Variants in TRAPPC12 observed in about 807,000 individuals in gnomAD.
TRAPPC12 encodes TPR repeat protein 15.
TRAPPC12 carries 61 observed loss-of-function variants against 69.2 expected under a neutral mutation model. The ratio of observed to expected loss-of-function variants is 0.88; its 90% CI spans 0.72 to 1.09. The LOEUF is 1.09. Among genes scored for constraint, TRAPPC12 ranks in the 50% least tolerant of loss-of-function variants. The probability of loss-of-function intolerance (pLI) is 0.00; values close to 1 mark genes in which losing one functional copy is unlikely to be tolerated. For missense variants in TRAPPC12, 1,101 were observed against 1,016.4 expected (o/e 1.08, Z -1.13); for synonymous variants, 469 against 438.9 (o/e 1.07, Z -0.86).
chr2:3,410,095 C>A (rs1044930242), intron 3 of TRAPPC12, among the ~76,000 whole-genome samples: 1 of 152,220 alleles, frequency 6.6e-6, no homozygotes, highest in African/African-American at 2.4e-5. Flanking sequence ...TGTTCTGACT[C>A]CTAGAAAATT....
intron 3 of TRAPPC12, among the ~76,000 whole-genome samples, chr2:3,405,476 G>A (rs781541319): frequency 1.1e-4 from 16 of 152,152 alleles, no homozygotes; most frequent in Non-Finnish European, 1.6e-4. Context: ...TGGGAATTAC[G>A]CTTTTCAATA....
chr2:3,390,973 A>G lies in TRAPPC12; in HGVS notation c.1047+2303A>G, dbSNP rs182886047. Among the ~76,000 whole-genome samples, 52 of 152,348 alleles carry G rather than the reference A, an allele frequency of 3.4e-4. No homozygotes were observed. The East Asian group carries it at 9.0e-3, about 27-fold the overall frequency. On this transcript the variant is annotated intron_variant, in intron 2 of 11. Coordinates refer to ENST00000324266, the MANE Select transcript of TRAPPC12 (RefSeq NM_016030.6). ...TTGTAAAATCTATTTTTAAAAAGATATAAAACAGAATATTTAATGAGGTTC... is the reference window on the plus strand; with the variant it reads ...TTGTAAAATCTATTTTTAAAAAGATGTAAAACAGAATATTTAATGAGGTTC...
intron 2 of TRAPPC12, among the ~76,000 whole-genome samples, chr2:3,391,275 ACCACTTACCCACTCCTGAAC>A (rs1457617748): frequency 4.6e-5 from 7 of 152,252 alleles, no homozygotes; most frequent in East Asian, 1.9e-4. Flanking sequence ...CTTTAGTGCA[ACCACTTACCCACTCCTGAAC>A]CCACTTACCC....
intron 5 of TRAPPC12, among the ~76,000 whole-genome samples, chr2:3,434,490 A>G (rs1331422978): frequency 5.3e-5 from 8 of 152,188 alleles, no homozygotes; most frequent in Non-Finnish European, 1.0e-4. Flanking sequence ...GTCAAGGAGG[A>G]TGAAGATCTT....
chr2:3,388,783 T>TAACATCCCATTGTGAGCGC, intron 2 of TRAPPC12, 113 bp downstream of exon 2: 1 of 1,090,072 alleles, frequency 9.2e-7, no homozygotes, highest in South Asian at 1.8e-5. Flanking sequence ...CAGTAATTCC[T>TAACATCCCATTGTGAGCGC]AACATCCCAT....
chr2:3,475,531 A>G (rs1666256164), intron 9 of TRAPPC12, among the ~76,000 whole-genome samples: 1 of 151,550 alleles, frequency 6.6e-6, no homozygotes, highest in Non-Finnish European at 1.5e-5. Context: ...AGAAATCGGT[A>G]GGATTTTGTA....
At chr2:3,452,958 CAG>C (rs1384613761) in intron 6 of TRAPPC12, among the ~76,000 whole-genome samples, 1 of 152,140 alleles carries the variant, frequency 6.6e-6, no homozygotes, top group Non-Finnish European at 1.5e-5. Context: ...ATTTGTAAAA[CAG>C]GCATGTGAAA....
chr2:3,448,743 C>G (rs1440189541), intron 6 of TRAPPC12, among the ~76,000 whole-genome samples: 4 of 151,400 alleles, frequency 2.6e-5, no homozygotes, highest in Non-Finnish European at 4.4e-5. Context: ...GAGGGTAGGG[C>G]GTGGAGAGCA....
At chr2:3,443,731 G>T (rs553203477) in intron 5 of TRAPPC12, 48 bp from the exon 6 acceptor site, 1 of 1,476,756 alleles carries the variant, frequency 6.8e-7, no homozygotes, top group Non-Finnish European at 9.5e-7. Context: ...GTATGAATGC[G>T]TGCTCAGTTA....
At chr2:3,389,536 G>T (rs1038096258) in intron 2 of TRAPPC12, 2 of 391,714 alleles carry the variant, frequency 5.1e-6, no homozygotes, top group East Asian at 7.4e-5. Flanking sequence ...CCCGAAGCCC[G>T]AGAGGGGATG....
chr2:3,405,666 G>C (rs1558355324), intron 3 of TRAPPC12, among the ~76,000 whole-genome samples: 1 of 152,198 alleles, frequency 6.6e-6, no homozygotes, highest in Non-Finnish European at 1.5e-5. Context: ...TAGTGCTCTT[G>C]CTCCGTGAAG....
At position 3,425,162 on chromosome 2, in the gene TRAPPC12, A is replaced by T. The variant is rs190391460; in HGVS notation, c.1417+499A>T. On this transcript the variant is annotated intron_variant, in intron 5 of 11. Transcript: ENST00000324266. ...CATTGTTTGGAAAACACTAGGCTAC[A>T]GCATAGGGTAGTTCTAGGAGAGTGA... Among the ~76,000 whole-genome samples the T allele has an allele frequency of 4.1e-4, 63 of 152,344 alleles. No homozygotes were observed. In the East Asian group the frequency reaches 8.3e-3, roughly 20 times the overall value.
chr2:3,421,937 C>T lies in TRAPPC12; in HGVS notation c.1221C>T (p.His407=), dbSNP rs374668485. 35 of 1,613,638 alleles carry T rather than the reference C, an allele frequency of 2.2e-5. No individual in the cohort carries two copies. The highest frequency in any genetic ancestry group is 5.5e-5 in the South Asian group (5 of 91,062). ...VDLCGRLLTA[H]GQGYGKSGLL... is the part of the protein sequence containing the mutation. ...TGTGCGGACGTCTCCTCACAGCCCA[C>T]GGCCAGGGCTACGGCAAGAGCGGGC... Residue 407 remains histidine (H), a synonymous_variant, in exon 4 of 12, where the codon CAC becomes CAT. Transcript: ENST00000324266.
intron 3 of TRAPPC12, among the ~76,000 whole-genome samples, chr2:3,409,825 T>C (rs1661954756): frequency 6.9e-6 from 1 of 145,800 alleles, no homozygotes. Flanking sequence ...TACTGATGCA[T>C]CTGACTCTCA....
At position 3,479,411 on chromosome 2, in the gene TRAPPC12, G is replaced by A. The variant is rs1297428988; in HGVS notation, c.2158G>A (p.Ala720Thr). The A allele has an allele frequency of 5.6e-6, 9 of 1,613,980 alleles. No individual in the cohort carries two copies. The highest frequency in any genetic ancestry group is 4.0e-5 in the African/African-American group (3 of 74,936). The stretch of plus-strand genomic sequence containing the variant: ...GAAACAGGCCCTGCTGGAGGCTGTC[G>A]CCGGCAAGGAGGGGGACAGCTTCAA... ...QKKQALLEAV[A>T]GKEGDSFNTQ... The change falls in exon 12 of 12, where the codon GCC becomes ACC. Residue 720 changes from alanine (A) to threonine (T), a missense_variant. Ala to Thr is a moderately conservative substitution (Grantham distance 58, BLOSUM62 0). Transcript: ENST00000324266.
intron 1 of TRAPPC12, among the ~76,000 whole-genome samples, chr2:3,380,485 T>G (rs926200761): frequency 9.2e-5 from 14 of 152,334 alleles, no homozygotes; most frequent in Non-Finnish European, 1.5e-4. Flanking sequence ...ACGTGTCATT[T>G]TTTCACTCTT....
intron 9 of TRAPPC12, 71 bp downstream of exon 9, chr2:3,465,766 T>G: frequency 2.9e-6 from 3 of 1,021,838 alleles, no homozygotes; most frequent in Non-Finnish European, 3.1e-6. Flanking sequence ...GGCGACTGTT[T>G]GCTTTTAATC....
At chr2:3,397,059 C>A (rs1408610192) in intron 2 of TRAPPC12, among the ~76,000 whole-genome samples, 1 of 152,170 alleles carries the variant, frequency 6.6e-6, no homozygotes, top group East Asian at 1.9e-4. Flanking sequence ...ATATCTGCAT[C>A]TATTTTTATG....
Position 3,388,130 on chromosome 2 carries a change from A to G in TRAPPC12, c.507A>G (p.Pro169=). 1 of 1,591,902 alleles carries G rather than the reference A, an allele frequency of 6.3e-7. No homozygotes were observed. The highest frequency in any genetic ancestry group is 2.3e-5 in the East Asian group (1 of 43,688). ...CCATCTTCAGCCAGCGCGCGCCCCCAGCCTCCGGGGACGGCTTCGAGCCGC... is the reference window on the plus strand; with the variant it reads ...CCATCTTCAGCCAGCGCGCGCCCCCGGCCTCCGGGGACGGCTTCGAGCCGC... ...VCTIFSQRAP[P]ASGDGFEPQM... The change falls in exon 2 of 12, where the codon CCA becomes CCG. Residue 169 remains proline (P), a synonymous_variant. Coordinates refer to ENST00000324266, the MANE Select transcript of TRAPPC12 (RefSeq NM_016030.6).
Sources: allele counts gnomAD v4.1 joint callset (sites outside exome capture counted in the v4.1 genomes callset), GRCh38; gene constraint gnomAD v4.1.1; transcripts MANE v1.5; gene names NCBI Gene and HGNC (gene_info 2026-07-23, HGNC 2026-07-21).